The following LARP4 variants were observed in gnomAD, a reference collection of about 807,000 sequenced individuals.
LARP4 encodes La ribonucleoprotein 4.
In LARP4, 29 loss-of-function variants were observed where a neutral mutation model predicts 92.9. The ratio of observed to expected loss-of-function variants is 0.31; its 90% CI spans 0.23 to 0.43. The LOEUF (loss-of-function observed/expected upper bound fraction) is 0.43, where lower values mean the gene tolerates loss of function less well. Among genes scored for constraint, LARP4 ranks in the 20% least tolerant of loss-of-function variants. The probability of loss-of-function intolerance (pLI) is 1.00; values close to 1 mark genes in which losing one functional copy is unlikely to be tolerated. For synonymous variants in LARP4, 279 were observed against 284.1 expected (o/e 0.98, Z 0.18); for missense variants, 732 against 860.0 (o/e 0.85, Z 1.86).
chr12:50,455,277 G>A (rs748322204), intron 10 of LARP4, among the ~76,000 whole-genome samples: 2 of 152,072 alleles, frequency 1.3e-5, no homozygotes, highest in Non-Finnish European at 2.9e-5. Context: ...TGCCTGGGAC[G>A]ACTGGTCTTG....
In LARP4 at chr12:50,401,342, G is replaced by A. The variant is rs147457775; in HGVS notation, c.18+314G>A. The A allele has an allele frequency of 5.0e-3, 1,803 of 358,472 alleles. 68 individuals carry two copies. The Admixed American group carries it at 0.057, about 11-fold the overall frequency. The allele number at this position is 358,472 out of a possible 1,614,324, so 22.2% of individuals were successfully genotyped here. A position where few individuals can be genotyped will look rare whatever the true frequency, so the allele number is the denominator to read the frequency against. ...GACCTCCTAAAGGAGGCAGCATTGG[G>A]GGGTTGGGGGGCGGAGTCTGAGGGA... On this transcript the variant is annotated intron_variant, in intron 1 of 15. Coordinates refer to ENST00000398473, the MANE Select transcript of LARP4 (RefSeq NM_052879.5).
chr12:50,470,921 ATACTAATAG>A (rs1224331232), intron 13 of LARP4, among the ~76,000 whole-genome samples: 1 of 152,168 alleles, frequency 6.6e-6, no homozygotes. Flanking sequence ...GAAGGGCCAG[ATACTAATAG>A]TAAATATTTT....
At position 50,479,953 on chromosome 12, in the gene LARP4, G is replaced by T. The variant is rs1247803728; in HGVS notation, c.*4089G>T. 6.6e-6 allele frequency: 1 copy of T among 152,322 alleles called. No homozygotes were observed. Among genetic ancestry groups the T allele is most frequent in the Admixed American group, 6.6e-5 (1 of 15,248 alleles). 9.4% of individuals were successfully genotyped at this position (152,322 alleles called of 1,614,324 possible). A position where few individuals can be genotyped will look rare whatever the true frequency, so the allele number is the denominator to read the frequency against. The stretch of plus-strand genomic sequence containing the variant: ...TGTATTTGTTTTCAACATCGCCAAG[G>T]TGCTATGGGAAATTAACAAAATTAG... On this transcript the variant is annotated 3_prime_UTR_variant, in exon 16 of 16. Transcript: ENST00000398473.
Position 50,435,378 on chromosome 12 carries a change from A to G in LARP4, c.399-110A>G, listed in dbSNP as rs1950255832. ...TGAAAAGTTTAATGTTATTTCTGAT[A>G]GAATAATCTTATTTCCATGCATTTA... On this transcript the variant is annotated intron_variant, in intron 4 of 15. Transcript: ENST00000398473. 3.9e-5 allele frequency: 27 copies of G among 686,872 alleles called. 1 individual carries two copies. In the South Asian group the frequency reaches 5.0e-4, roughly 13 times the overall value. The allele number at this position is 686,872 out of a possible 1,614,324, so 42.5% of individuals were successfully genotyped here.
Position 50,479,967 on chromosome 12 carries a change from T to C in LARP4, c.*4103T>C, listed in dbSNP as rs1207546392. On this transcript the variant is annotated 3_prime_UTR_variant, in exon 16 of 16. Coordinates refer to ENST00000398473, the MANE Select transcript of LARP4 (RefSeq NM_052879.5). Reference sequence around the variant, plus strand: ...ACATCGCCAAGGTGCTATGGGAAATTAACAAAATTAGAAAAAAAATAAAAT... The same window carrying C: ...ACATCGCCAAGGTGCTATGGGAAATCAACAAAATTAGAAAAAAAATAAAAT... 6.6e-6 allele frequency: 1 copy of C among 152,412 alleles called. No homozygotes were observed. Among genetic ancestry groups the C allele is most frequent in the Admixed American group, 6.6e-5 (1 of 15,264 alleles). The allele number at this position is 152,412 out of a possible 1,614,324, so 9.4% of individuals were successfully genotyped here.
chr12:50,475,327 C>T (rs1957423975), intron 15 of LARP4, among the ~76,000 whole-genome samples, 199 bp from the exon 16 acceptor site: 1 of 152,140 alleles, frequency 6.6e-6, no homozygotes, highest in South Asian at 2.1e-4. Context: ...GAACATCCTT[C>T]AGTTAAATTC....
intron 1 of LARP4, among the ~76,000 whole-genome samples, chr12:50,408,984 T>A (rs544825571): frequency 6.9e-4 from 104 of 150,950 alleles, no homozygotes; most frequent in Non-Finnish European, 1.2e-3. Flanking sequence ...GTCTTAAAAA[T>A]TTTTTTTTTA....
chr12:50,469,035 T>G (rs1480094062), intron 13 of LARP4, among the ~76,000 whole-genome samples: 3 of 152,176 alleles, frequency 2.0e-5, no homozygotes, highest in Non-Finnish European at 4.4e-5. Flanking sequence ...TGTTTCACTC[T>G]TCCATGTTAG....
At chr12:50,456,407 CCTT>C (rs755818814) in intron 10 of LARP4, among the ~76,000 whole-genome samples, 22 of 152,084 alleles carry the variant, frequency 1.4e-4, no homozygotes, top group Non-Finnish European at 2.9e-4. Flanking sequence ...CAAATAAAGA[CCTT>C]CTGGACCAGC....
At chr12:50,449,376 C>G (rs576697154) in intron 8 of LARP4, among the ~76,000 whole-genome samples, 2 of 152,114 alleles carry the variant, frequency 1.3e-5, no homozygotes, top group East Asian at 3.9e-4. Flanking sequence ...ATTTTGCTGC[C>G]TTTATTCTTG....
In LARP4 at chr12:50,400,951, G is replaced by C; in HGVS notation, c.-60G>C. 9.9e-6 allele frequency: 16 copies of C among 1,612,844 alleles called. No individual in the cohort carries two copies. Among genetic ancestry groups the C allele is most frequent in the Non-Finnish European group, 1.3e-5 (15 of 1,178,828 alleles). ...GTCCTTATCCTAGCAATTGGGGCGCGGGCCTGTGAGCCAGTTGGAGTTGCG... is the reference window on the plus strand; with the variant it reads ...GTCCTTATCCTAGCAATTGGGGCGCCGGCCTGTGAGCCAGTTGGAGTTGCG... On this transcript the variant is annotated 5_prime_UTR_variant, in exon 1 of 16. Transcript: ENST00000398473.
rs1955320249 is a variant in LARP4 at position 50,461,215 on chromosome 12, A to G, written c.1202A>G (p.Asn401Ser). The G allele has an allele frequency of 1.9e-6, 3 of 1,613,988 alleles. No individual in the cohort carries two copies. The highest frequency in any genetic ancestry group is 2.7e-5 in the African/African-American group (2 of 74,890). ...GTATCCTTGGGGGATGGACAGTTGA[A>G]CAGATATAGTTCAAGAAACTTTCCA... is the stretch of plus-strand genomic sequence containing the variant. ...GSVSLGDGQL[N>S]RYSSRNFPAE... The change falls in exon 11 of 16, where the codon AAC becomes AGC. Residue 401 changes from asparagine to serine, a missense_variant. Asn to Ser is a conservative substitution (Grantham distance 46). Transcript: ENST00000398473.
intron 11 of LARP4, 67 bp downstream of exon 11, chr12:50,461,414 G>T: frequency 7.6e-7 from 1 of 1,308,380 alleles, no homozygotes; most frequent in Admixed American, 2.2e-5. Flanking sequence ...TGAAGAACAT[G>T]ATCTTCATAA....
chr12:50,410,799 G>A (rs1341156567), intron 1 of LARP4, among the ~76,000 whole-genome samples: 1 of 152,044 alleles, frequency 6.6e-6, no homozygotes, highest in East Asian at 1.9e-4. Context: ...AGAGTGATTC[G>A]TGACCCCCAA....
intron 1 of LARP4, among the ~76,000 whole-genome samples, chr12:50,404,691 T>G (rs1037360389): frequency 1.4e-5 from 2 of 145,208 alleles, no homozygotes; most frequent in Non-Finnish European, 3.0e-5. Flanking sequence ...GTTTTTTTTT[T>G]TTTTTTTTTT....
At chr12:50,460,416 C>T (rs931546122) in intron 10 of LARP4, among the ~76,000 whole-genome samples, 7 of 152,130 alleles carry the variant, frequency 4.6e-5, no homozygotes, top group Non-Finnish European at 1.0e-4. Flanking sequence ...CAGCCTCAAA[C>T]TCCTGGGCCC....
intron 4 of LARP4, 36 bp from the exon 5 acceptor site, chr12:50,435,452 A>G: frequency 2.4e-6 from 3 of 1,225,042 alleles, no homozygotes; most frequent in Non-Finnish European, 3.5e-6. Context: ...GCTTTTTAAT[A>G]ATTGCTTGTT....
chr12:50,475,649 A>G lies in LARP4; in HGVS notation c.1960A>G (p.Asn654Asp), dbSNP rs1299256124. The G allele has an allele frequency of 6.2e-7, 1 of 1,614,190 alleles. No individual in the cohort carries two copies. Among genetic ancestry groups the G allele is most frequent in the Admixed American group, 1.7e-5 (1 of 60,002 alleles). ...NVVSPTKNED[N>D]GAPENSVEKP... ...GGTGTCTCCCACCAAAAATGAAGAC[A>G]ATGGAGCTCCTGAGAACTCCGTTGA... The change falls in exon 16 of 16, where the codon AAT becomes GAT. Residue 654 changes from asparagine to aspartate, a missense_variant. Physicochemically the swap from Asn to Asp is conservative, Grantham distance 23. Transcript: ENST00000398473.
At chr12:50,403,856 G>A (rs1187268866) in intron 1 of LARP4, among the ~76,000 whole-genome samples, 4 of 152,186 alleles carry the variant, frequency 2.6e-5, no homozygotes, top group Non-Finnish European at 5.9e-5. Context: ...AACGTTTGAT[G>A]TTTTTGCATA....
Sources: allele counts gnomAD v4.1 joint callset (sites outside exome capture counted in the v4.1 genomes callset), GRCh38; gene constraint gnomAD v4.1.1; transcripts MANE v1.5; gene names NCBI Gene and HGNC (gene_info 2026-07-23, HGNC 2026-07-21).